Variants in DPF3 observed in about 807,000 individuals in gnomAD.
The protein encoded by DPF3 is double PHD fingers 3.
In DPF3, 18 loss-of-function variants were observed where a neutral mutation model predicts 56.8. That is an observed-to-expected ratio of 0.32 (90% CI 0.22 to 0.47). The LOEUF is 0.47. DPF3 is among the 20% of genes least tolerant of loss of function. DPF3 has a pLI of 1.00. For synonymous variants in DPF3, 188 were observed against 180.2 expected, an observed-to-expected ratio of 1.04 and a Z score of -0.35; for missense variants, 403 against 488.8, an observed-to-expected ratio of 0.82 and a Z score of 1.65.
At chr14:72,835,726 C>T in intron 1 of DPF3, among the ~76,000 whole-genome samples, 1 of 152,164 alleles carries the variant, frequency 6.6e-6, no homozygotes, top group South Asian at 2.1e-4. Context: ...TCACTCTGTG[C>T]TCGGGCCGCC....
intron 5 of DPF3, among the ~76,000 whole-genome samples, chr14:72,714,966 C>T (rs7160687): frequency 0.65 from 99,593 of 152,114 alleles, 33,332 homozygotes; most frequent in African/African-American, 0.78. Context: ...AGCTGATGCA[C>T]GTATCAGGAG....
At chr14:72,691,187 G>A (rs1887664905) in intron 7 of DPF3, among the ~76,000 whole-genome samples, 1 of 152,300 alleles carries the variant, frequency 6.6e-6, no homozygotes, top group East Asian at 1.9e-4. Flanking sequence ...AACAGCAGGT[G>A]AGAAAGCAAG....
intron 4 of DPF3, among the ~76,000 whole-genome samples, chr14:72,724,387 G>T (rs1432694176): frequency 1.3e-5 from 2 of 152,102 alleles, no homozygotes; most frequent in Non-Finnish European, 2.9e-5. Flanking sequence ...ATACGCTGAG[G>T]CTGAAAACAG....
At chr14:72,799,425 G>A (rs762914530) in intron 1 of DPF3, among the ~76,000 whole-genome samples, 2 of 152,154 alleles carry the variant, frequency 1.3e-5, no homozygotes, top group African/African-American at 2.4e-5. Flanking sequence ...AGCACTTTGG[G>A]AGGCTGAGGA....
chr14:72,661,591 G>C, intron 8 of DPF3: 2 of 985,518 alleles, frequency 2.0e-6, no homozygotes, highest in Non-Finnish European at 2.4e-6. Context: ...ACAGCGCCGA[G>C]ATACATCCCA....
intron 1 of DPF3, among the ~76,000 whole-genome samples, chr14:72,783,811 C>G (rs1892091378): frequency 6.6e-6 from 1 of 152,220 alleles, no homozygotes; most frequent in Admixed American, 6.5e-5. Flanking sequence ...TCTGGACTAA[C>G]CTCTTCTGCA....
chr14:72,736,049 A>G (rs1434022925), intron 3 of DPF3, among the ~76,000 whole-genome samples: 1 of 152,228 alleles, frequency 6.6e-6, no homozygotes, highest in Non-Finnish European at 1.5e-5. Context: ...TTTGATTTCA[A>G]TGGTACAGCT....
At chr14:72,725,091 A>G (rs1889346022) in intron 4 of DPF3, among the ~76,000 whole-genome samples, 1 of 152,000 alleles carries the variant, frequency 6.6e-6, no homozygotes, top group Non-Finnish European at 1.5e-5. Flanking sequence ...AGTTTCCCCA[A>G]TTATACAATA....
At chr14:72,688,503 T>C (rs534216451) in intron 7 of DPF3, among the ~76,000 whole-genome samples, 78 of 151,734 alleles carry the variant, frequency 5.1e-4, no homozygotes, top group Non-Finnish European at 8.1e-4. Flanking sequence ...AAAAAGAAGT[T>C]CAAAGAGTTT....
At chr14:72,702,302 C>T (rs1273422797) in intron 6 of DPF3, among the ~76,000 whole-genome samples, 1 of 152,094 alleles carries the variant, frequency 6.6e-6, no homozygotes, top group African/African-American at 2.4e-5. Flanking sequence ...GGGACTTGGG[C>T]CCTGCCCTGC....
chr14:72,719,482 T>G (rs1889078740), intron 5 of DPF3, among the ~76,000 whole-genome samples: 1 of 152,186 alleles, frequency 6.6e-6, no homozygotes, highest in South Asian at 2.1e-4. Context: ...AGAATTTGTA[T>G]TTTAACAAAA....
chr14:72,887,152 A>AACACACAC (rs149200705), intron 1 of DPF3, among the ~76,000 whole-genome samples: 2,340 of 138,076 alleles, frequency 0.017, 29 homozygotes, highest in South Asian at 0.037. Flanking sequence ...TCTGCCTCCA[A>AACACACAC]ACACACACAC....
At chr14:72,884,971 T>TATATGTATATATATATATA (rs10523148) in intron 1 of DPF3, among the ~76,000 whole-genome samples, 1 of 111,686 alleles carries the variant, frequency 9.0e-6, no homozygotes, top group Non-Finnish European at 1.9e-5. Context: ...TATATATATA[T>TATATGTATATATATATATA]TAGCCGGGCG....
chr14:72,699,097 A>T (rs1042721130), intron 6 of DPF3, among the ~76,000 whole-genome samples: 2 of 152,224 alleles, frequency 1.3e-5, no homozygotes, highest in Non-Finnish European at 2.9e-5. Flanking sequence ...AATGGATGTT[A>T]TAAGTATGGG....
chr14:72,753,085 G>A (rs929484747), intron 3 of DPF3, among the ~76,000 whole-genome samples, 179 bp downstream of exon 3: 2 of 152,168 alleles, frequency 1.3e-5, no homozygotes, highest in East Asian at 1.9e-4. Flanking sequence ...AGGTGGACAC[G>A]TGGTCATGTT....
chr14:72,633,526 G>T (rs769567761), intron 8 of DPF3, among the ~76,000 whole-genome samples: 1 of 152,148 alleles, frequency 6.6e-6, no homozygotes, highest in Non-Finnish European at 1.5e-5. Context: ...AATCGGGTGA[G>T]TATGGGGTCA....
intron 1 of DPF3, among the ~76,000 whole-genome samples, chr14:72,819,089 T>C (rs776433286): frequency 2.9e-4 from 44 of 152,234 alleles, no homozygotes; most frequent in South Asian, 6.2e-4. Context: ...AATAAGCACG[T>C]GAAAATATGC....
intron 1 of DPF3, among the ~76,000 whole-genome samples, chr14:72,804,056 G>T (rs1195145112): frequency 2.0e-5 from 3 of 152,124 alleles, no homozygotes; most frequent in African/African-American, 7.2e-5. Context: ...GTGCAGAGAC[G>T]CCAAGAAACA....
intron 2 of DPF3, among the ~76,000 whole-genome samples, chr14:72,762,336 G>A (rs183174986): frequency 2.4e-4 from 37 of 151,778 alleles, no homozygotes; most frequent in African/African-American, 8.4e-4. Flanking sequence ...AGATAAAATA[G>A]CATAACAAAG....
Sources: gnomAD v4.1 joint callset for allele counts (sites outside exome capture counted in the v4.1 genomes callset) on GRCh38, gnomAD v4.1.1 for gene constraint, MANE v1.5 for transcripts, NCBI Gene and HGNC (gene_info 2026-07-23, HGNC 2026-07-21) for gene names.